The following IL1RAPL2 variants were observed in gnomAD, a reference collection of about 807,000 sequenced individuals.
The protein encoded by IL1RAPL2 is X-linked interleukin-1 receptor accessory protein-like 2.
A neutral mutation model predicts 44.1 loss-of-function variants in IL1RAPL2; 3 were observed. The observed-to-expected ratio is 0.07, with a 90% CI of 0.03 to 0.18. The LOEUF is 0.18. Among genes scored for constraint, IL1RAPL2 ranks in the 10% least tolerant of loss-of-function variants. The pLI is 1.00. For missense variants in IL1RAPL2, 391 were observed against 496.4 expected (o/e 0.79, Z 2.02); for synonymous variants, 181 against 178.8 (o/e 1.01, Z -0.10).
intron 2 of IL1RAPL2, among the ~76,000 whole-genome samples, chrX:104,667,649 C>T (rs1295887592): frequency 1.3e-4 from 14 of 111,290 alleles, no homozygotes; most frequent in African/African-American, 4.6e-4. Flanking sequence ...AATCACTCGT[C>T]CATGTTGTGC....
At chrX:105,340,930 C>T (rs953537548) in intron 5 of IL1RAPL2, among the ~76,000 whole-genome samples, 1 of 112,239 alleles carries the variant, frequency 8.9e-6, no homozygotes, top group African/African-American at 3.2e-5. Context: ...CCCAGTGTCT[C>T]AATAGTTCCT....
chrX:105,424,611 G>T (rs2035796095), intron 5 of IL1RAPL2, among the ~76,000 whole-genome samples: 1 of 109,387 alleles, frequency 9.1e-6, no homozygotes, highest in Non-Finnish European at 1.9e-5. Context: ...CTGTGGAGAA[G>T]CTAGTTAAAC....
intron 2 of IL1RAPL2, among the ~76,000 whole-genome samples, chrX:104,733,938 G>T (rs1569305409): frequency 9.1e-6 from 1 of 110,389 alleles, no homozygotes; most frequent in East Asian, 2.8e-4. Context: ...CAAAACTCAG[G>T]AATAAGGAAA....
At chrX:105,131,681 G>C (rs1174224848) in intron 2 of IL1RAPL2, among the ~76,000 whole-genome samples, 1 of 110,630 alleles carries the variant, frequency 9.0e-6, no homozygotes, top group Non-Finnish European at 1.9e-5. Flanking sequence ...GGTAGTTCTT[G>C]AACATTACAT....
At chrX:104,809,652 C>T (rs1474019066) in intron 2 of IL1RAPL2, among the ~76,000 whole-genome samples, 100 of 109,096 alleles carry the variant, frequency 9.2e-4, no homozygotes, top group Non-Finnish European at 1.6e-3. Context: ...GAGTAGGTTG[C>T]GAAAATTTTC....
chrX:104,998,822 G>GA (rs1474874313), intron 2 of IL1RAPL2, among the ~76,000 whole-genome samples: 2 of 110,875 alleles, frequency 1.8e-5, no homozygotes, highest in Middle Eastern at 4.7e-3. Flanking sequence ...TTATTTTTGA[G>GA]AGAGGGTCTT....
intron 1 of IL1RAPL2, among the ~76,000 whole-genome samples, chrX:104,651,572 G>A (rs943300979): frequency 2.7e-4 from 30 of 111,651 alleles, no homozygotes; most frequent in Non-Finnish European, 5.3e-4. Context: ...GACAGAAATC[G>A]TGAAGGTACA....
Position 104,658,051 on chromosome X carries a change from C to T in IL1RAPL2, c.-19-844C>T, listed in dbSNP as rs1930306521. Among the ~76,000 whole-genome samples the T allele has an allele frequency of 1.8e-5, 2 of 112,225 alleles. 1 individual carries two copies. The highest frequency in any genetic ancestry group is 1.9e-4 in the Admixed American group (2 of 10,598). On this transcript the variant is annotated intron_variant, in intron 1 of 10. Transcript: ENST00000372582. ...AAACTAGTTCAACCATTGTGGAAGA[C>T]AGTGTGGCGATTCCTCAAGGATCTA...
rs963828781 is a variant in IL1RAPL2, at chrX:105,269,456, G to A, written c.697+1915G>A. Among the ~76,000 whole-genome samples the A allele has an allele frequency of 1.5e-4, 17 of 110,684 alleles. No individual in the cohort carries two copies. In the Admixed American group the frequency reaches 1.6e-3, roughly 11 times the overall value. ...TCACTCTCTGTACTAATAAATGATA[G>A]TTTTACTTCTTAGTTTGATTTTGTA... On this transcript the variant is annotated intron_variant, in intron 5 of 10. Transcript: ENST00000372582.
chrX:105,308,671 C>G lies in IL1RAPL2; in HGVS notation c.697+41130C>G, dbSNP rs1024028681. Among the ~76,000 whole-genome samples, 3 of 112,538 alleles carry G rather than the reference C, an allele frequency of 2.7e-5. No individual in the cohort carries two copies. In the Admixed American group the frequency reaches 2.8e-4, roughly 11 times the overall value. On this transcript the variant is annotated intron_variant, in intron 5 of 10. Coordinates refer to ENST00000372582, the MANE Select transcript of IL1RAPL2 (RefSeq NM_017416.2). The stretch of plus-strand genomic sequence containing the variant: ...TTGCATGTGTCATTCTCCTTTATTA[C>G]TAAAGATCCGTCGTCCTGTTGATGA...
At chrX:104,708,653 A>G (rs1309903907) in intron 2 of IL1RAPL2, among the ~76,000 whole-genome samples, 1 of 111,488 alleles carries the variant, frequency 9.0e-6, no homozygotes, top group Admixed American at 9.6e-5. Context: ...CCTGCATAAC[A>G]CATCCAGTTG....
intron 2 of IL1RAPL2, among the ~76,000 whole-genome samples, chrX:105,028,150 GAGT>G (rs1461845029): frequency 9.0e-6 from 1 of 111,107 alleles, no homozygotes; most frequent in Non-Finnish European, 1.9e-5. Flanking sequence ...TGGACATAGA[GAGT>G]AGAAGTACGG....
At chrX:104,734,605 G>A (rs1407090196) in intron 2 of IL1RAPL2, among the ~76,000 whole-genome samples, 2 of 111,777 alleles carry the variant, frequency 1.8e-5, no homozygotes, top group Non-Finnish European at 3.8e-5. Flanking sequence ...AAACTACAGT[G>A]ACAGAGTGGT....
chrX:105,563,671 G>T (rs1277396510), intron 6 of IL1RAPL2, among the ~76,000 whole-genome samples: 1 of 111,704 alleles, frequency 9.0e-6, no homozygotes, highest in African/African-American at 3.3e-5. Context: ...TGGGAACAAA[G>T]GACCAATATT....
At chrX:104,819,041 T>C (rs996222360) in intron 2 of IL1RAPL2, among the ~76,000 whole-genome samples, 1 of 112,195 alleles carries the variant, frequency 8.9e-6, no homozygotes, top group African/African-American at 3.2e-5. Flanking sequence ...AGTTGGAGCA[T>C]GCACAGAGCC....
At chrX:105,172,476 T>G (rs1046182606) in intron 2 of IL1RAPL2, among the ~76,000 whole-genome samples, 1 of 111,603 alleles carries the variant, frequency 9.0e-6, no homozygotes, top group Non-Finnish European at 1.9e-5. Flanking sequence ...TCATTCAAGT[T>G]GTTGGTAGAA....
intron 5 of IL1RAPL2, among the ~76,000 whole-genome samples, chrX:105,311,611 TACACACACACACACAC>T (rs369751919): frequency 2.2e-5 from 2 of 92,561 alleles, no homozygotes; most frequent in African/African-American, 4.3e-5. Context: ...TATACATACA[TACACACACACACACAC>T]ACACACACAC....
At chrX:105,240,698 T>A (rs1556207275) in intron 4 of IL1RAPL2, among the ~76,000 whole-genome samples, 1 of 112,224 alleles carries the variant, frequency 8.9e-6, no homozygotes, top group Non-Finnish European at 1.9e-5. Context: ...ATTTCTGTGG[T>A]CTACAATAAA....
intron 2 of IL1RAPL2, 29 bp from the exon 3 acceptor site, chrX:105,195,446 A>G (rs373201108): frequency 1.7e-6 from 2 of 1,200,261 alleles, no homozygotes; most frequent in Non-Finnish European, 2.3e-6. Context: ...TGCTCACTGT[A>G]TCTTATACCT....
Sources: allele counts gnomAD v4.1 joint callset (sites outside exome capture counted in the v4.1 genomes callset), GRCh38; gene constraint gnomAD v4.1.1; transcripts MANE v1.5; gene names NCBI Gene and HGNC (gene_info 2026-07-23, HGNC 2026-07-21).